Variants in CCDC6 observed in about 807,000 individuals in gnomAD.
CCDC6 encodes coiled-coil domain containing 6.
A neutral mutation model predicts 56.6 loss-of-function variants in CCDC6; 20 were observed. That is an observed-to-expected ratio of 0.35 (90% confidence interval 0.25 to 0.51). The LOEUF (loss-of-function observed/expected upper bound fraction) is 0.51, where lower values mean the gene tolerates loss of function less well. CCDC6 is among the 20% of genes least tolerant of loss of function. CCDC6 has a pLI of 0.95. For synonymous variants in CCDC6, 241 were observed against 234.4 expected (o/e 1.03, Z -0.26); for missense variants, 367 against 601.1 (o/e 0.61, Z 4.07).
intron 1 of CCDC6, among the ~76,000 whole-genome samples, chr10:59,879,103 G>A (rs2071309562): frequency 6.6e-6 from 1 of 152,170 alleles, no homozygotes; most frequent in African/African-American, 2.4e-5. Flanking sequence ...GGTAAGGAGT[G>A]AAGGGTCAAG....
In CCDC6 at chr10:59,885,038, TGG is replaced by T. The variant is rs2071371708; in HGVS notation, c.303+21082_303+21083del. ...GAGATCGTGCCACCGCACTCCAGCCTGGGTGACAGAGCGAGACTCCGTAACAA... is the reference window on the plus strand; with the variant it reads ...GAGATCGTGCCACCGCACTCCAGCCTGTGACAGAGCGAGACTCCGTAACAA... On this transcript the variant is annotated intron_variant, in intron 1 of 8. Coordinates refer to ENST00000263102, the MANE Select transcript of CCDC6 (RefSeq NM_005436.5). Among the ~76,000 whole-genome samples, 3 of 148,102 alleles carry T rather than the reference TGG, an allele frequency of 2.0e-5. No homozygotes were observed. The South Asian group carries it at 6.5e-4, about 32-fold the overall frequency.
At chr10:59,896,685 G>A (rs956303846) in intron 1 of CCDC6, among the ~76,000 whole-genome samples, 15 of 151,984 alleles carry the variant, frequency 9.9e-5, no homozygotes, top group African/African-American at 3.1e-4. Flanking sequence ...AAAAAAAATG[G>A]GTGTTATTGT....
chr10:59,796,842 G>T (rs2070523916), intron 7 of CCDC6, among the ~76,000 whole-genome samples: 1 of 151,998 alleles, frequency 6.6e-6, no homozygotes, highest in South Asian at 2.1e-4. Flanking sequence ...ATGGTGGCGG[G>T]TGCCTGTAGT....
At chr10:59,875,037 G>A (rs191313023) in intron 1 of CCDC6, among the ~76,000 whole-genome samples, 2 of 152,236 alleles carry the variant, frequency 1.3e-5, no homozygotes, top group Non-Finnish European at 2.9e-5. Context: ...AATAAATGAC[G>A]GTGTATCCTG....
intron 1 of CCDC6, among the ~76,000 whole-genome samples, chr10:59,875,043 T>TCCTGAC (rs2071266518): frequency 6.6e-6 from 1 of 152,198 alleles, no homozygotes; most frequent in South Asian, 2.1e-4. Flanking sequence ...TGACGGTGTA[T>TCCTGAC]CCTGACAATG....
intron 4 of CCDC6, among the ~76,000 whole-genome samples, chr10:59,813,502 A>T (rs929263903): frequency 6.6e-6 from 1 of 152,222 alleles, no homozygotes; most frequent in Non-Finnish European, 1.5e-5. Flanking sequence ...GCACTAATAC[A>T]TGTAAAACCT....
rs73263479 is a variant in CCDC6 at position 59,861,084 on chromosome 10, C to T, written c.304-8382G>A. On this transcript the variant is annotated intron_variant, in intron 1 of 8. Coordinates refer to ENST00000263102, the MANE Select transcript of CCDC6 (RefSeq NM_005436.5). ...GGTAGCGAGCACCTGTAATTGCAGG[C>T]ACAAGAACTGCTTGAACTCGGGAAG... 8.8e-3 allele frequency among the ~76,000 whole-genome samples: 1,337 copies of T among 152,154 alleles called. 27 individuals are homozygous for T. Among genetic ancestry groups the T allele is most frequent in the African/African-American group, 0.03 (1,262 of 41,494 alleles).
intron 5 of CCDC6, among the ~76,000 whole-genome samples, chr10:59,807,733 A>G (rs1007052018): frequency 5.3e-5 from 8 of 152,148 alleles, no homozygotes; most frequent in Non-Finnish European, 1.0e-4. Context: ...TCTTCTCTAC[A>G]TTGCCAGAGC....
chr10:59,853,072 A>G (rs546206910), intron 1 of CCDC6, among the ~76,000 whole-genome samples: 3 of 152,310 alleles, frequency 2.0e-5, no homozygotes, highest in Non-Finnish European at 2.9e-5. Flanking sequence ...GCTATGGTAC[A>G]TCAATTCATG....
chr10:59,830,328 G>C (rs969834355), intron 3 of CCDC6, among the ~76,000 whole-genome samples: 2 of 152,096 alleles, frequency 1.3e-5, no homozygotes, highest in Non-Finnish European at 2.9e-5. Flanking sequence ...ATAATTCCAA[G>C]AGATGGGCTC....
chr10:59,861,599 T>TA (rs2071129418), intron 1 of CCDC6, among the ~76,000 whole-genome samples: 1 of 152,084 alleles, frequency 6.6e-6, no homozygotes, highest in Non-Finnish European at 1.5e-5. Flanking sequence ...ACAACATACA[T>TA]AAACATATGG....
intron 7 of CCDC6, among the ~76,000 whole-genome samples, chr10:59,803,301 T>A (rs2132625787): frequency 6.6e-6 from 1 of 152,096 alleles, no homozygotes; most frequent in Middle Eastern, 3.4e-3. Context: ...AGACTTTAAC[T>A]TTTGATTGCC....
chr10:59,823,559 A>C (rs1199805097), intron 3 of CCDC6, among the ~76,000 whole-genome samples: 4 of 152,210 alleles, frequency 2.6e-5, no homozygotes, highest in Admixed American at 1.3e-4. Flanking sequence ...TTGTCTCCCA[A>C]CCCAAAATAT....
chr10:59,860,195 G>C (rs1348321161), intron 1 of CCDC6, among the ~76,000 whole-genome samples: 1 of 152,148 alleles, frequency 6.6e-6, no homozygotes, highest in Non-Finnish European at 1.5e-5. Context: ...AAGCAAAACT[G>C]GTCTGTGTGT....
intron 3 of CCDC6, among the ~76,000 whole-genome samples, chr10:59,830,608 T>C (rs976608406): frequency 6.6e-6 from 1 of 152,262 alleles, no homozygotes; most frequent in East Asian, 1.9e-4. Context: ...TGTGGAAATC[T>C]ATTTCTTTAC....
At chr10:59,841,401 G>A (rs1262043249) in intron 2 of CCDC6, among the ~76,000 whole-genome samples, 2 of 152,044 alleles carry the variant, frequency 1.3e-5, no homozygotes, top group Non-Finnish European at 2.9e-5. Flanking sequence ...TCCTTCTCTT[G>A]GTTTTTGATG....
intron 7 of CCDC6, among the ~76,000 whole-genome samples, chr10:59,797,988 T>C (rs987451341): frequency 6.6e-6 from 1 of 152,192 alleles, no homozygotes; most frequent in South Asian, 2.1e-4. Context: ...CTCACCTACA[T>C]GTGGCATGTG....
At chr10:59,869,383 C>T (rs2071205589) in intron 1 of CCDC6, among the ~76,000 whole-genome samples, 1 of 64,936 alleles carries the variant, frequency 1.5e-5, no homozygotes, top group Admixed American at 2.4e-4. Flanking sequence ...CATGGACTTG[C>T]TCAGGCAAAA....
chr10:59,881,948 T>C (rs1463084858), intron 1 of CCDC6, among the ~76,000 whole-genome samples: 1 of 151,406 alleles, frequency 6.6e-6, no homozygotes, highest in Non-Finnish European at 1.5e-5. Flanking sequence ...TTTCAGATGG[T>C]TGGGCAAAAG....
Sources: gnomAD v4.1 joint callset for allele counts (sites outside exome capture counted in the v4.1 genomes callset) on GRCh38, gnomAD v4.1.1 for gene constraint, MANE v1.5 for transcripts, NCBI Gene and HGNC (gene_info 2026-07-23, HGNC 2026-07-21) for gene names.